The following VPS35L variants were observed in gnomAD, a reference collection of about 807,000 sequenced individuals.
The protein encoded by VPS35L is VPS35 endosomal protein sorting factor like.
Under a neutral mutation model 133.0 loss-of-function variants are expected in VPS35L, and 83 were observed. That is an observed-to-expected ratio of 0.62 (90% CI 0.52 to 0.75). VPS35L has a LOEUF of 0.75. Among genes scored for constraint, VPS35L ranks in the 30% least tolerant of loss-of-function variants. The pLI is 0.00. For missense variants in VPS35L, 1,083 were observed against 1,206.8 expected, an observed-to-expected ratio of 0.90 and a Z score of 1.52; for synonymous variants, 423 against 449.9, an observed-to-expected ratio of 0.94 and a Z score of 0.76.
At chr16:19,578,850 G>A in intron 5 of VPS35L, 1 of 596,426 alleles carries the variant, frequency 1.7e-6, no homozygotes, top group Non-Finnish European at 3.0e-6. Flanking sequence ...TGGGCTCCCA[G>A]GGGCAGCTTC....
intron 8 of VPS35L, among the ~76,000 whole-genome samples, chr16:19,601,405 A>C (rs1473338889): frequency 2.0e-5 from 3 of 151,478 alleles, no homozygotes; most frequent in East Asian, 3.9e-4. Flanking sequence ...GTGGATGGAG[A>C]TACTTGAGAC....
At chr16:19,629,874 A>C in intron 18 of VPS35L, 54 bp downstream of exon 18, 1 of 1,540,814 alleles carries the variant, frequency 6.5e-7, no homozygotes, top group Non-Finnish European at 9.0e-7. Flanking sequence ...TCATGTTTAT[A>C]ATAGTGAATT....
At chr16:19,671,183 C>T (rs762042143) in intron 27 of VPS35L, among the ~76,000 whole-genome samples, 10 of 152,076 alleles carry the variant, frequency 6.6e-5, no homozygotes, top group Non-Finnish European at 1.2e-4. Context: ...AAATAATATT[C>T]CAAGGACTGG....
Position 19,633,232 on chromosome 16 carries a change from T to C in VPS35L, c.1635+60T>C, listed in dbSNP as rs1264377921. Reference sequence around the variant, plus strand: ...AGGAATTTTGTTCTGTTGAATTAAATAGGCGTGTTGTATGGGTCAGGCTAT... The same window carrying C: ...AGGAATTTTGTTCTGTTGAATTAAACAGGCGTGTTGTATGGGTCAGGCTAT... On this transcript the variant is annotated intron_variant, in intron 19 of 30. Coordinates refer to ENST00000417362, the MANE Select transcript of VPS35L (RefSeq NM_020314.7). This position sits in a 1 kb window ranked among gnomAD's most constrained non-coding sequence, Gnocchi z 4.1. 2 of 1,478,414 alleles carry C rather than the reference T, an allele frequency of 1.4e-6. No individual in the cohort carries two copies. The highest frequency in any genetic ancestry group is 2.3e-5 in the East Asian group (1 of 44,310). The allele number at this position is 1,478,414 out of a possible 1,614,324, so 91.6% of individuals were successfully genotyped here. A position where few individuals can be genotyped will look rare whatever the true frequency, so the allele number is the denominator to read the frequency against.
intron 1 of VPS35L, among the ~76,000 whole-genome samples, chr16:19,561,295 T>C (rs575748303): frequency 6.6e-6 from 1 of 152,074 alleles, no homozygotes; most frequent in Admixed American, 6.5e-5. Context: ...GGCATGAACC[T>C]GGGAGGCGGA....
chr16:19,699,356 A>C lies in VPS35L; in HGVS notation c.2647-146A>C. 8 of 1,006,124 alleles carry C rather than the reference A, an allele frequency of 8.0e-6. No homozygotes were observed. The highest frequency in any genetic ancestry group is 1.2e-5 in the Non-Finnish European group (8 of 694,674). 62.3% of individuals were successfully genotyped at this position (1,006,124 alleles called of 1,614,324 possible). A position where few individuals can be genotyped will look rare whatever the true frequency, so the allele number is the denominator to read the frequency against. ...AAGCAGCTGGGACTTTGGGAGGTTC[A>C]GCAGCTTGCCCTACAGCAAATACAT... On this transcript the variant is annotated intron_variant, in intron 29 of 30. Transcript: ENST00000417362. The surrounding 1 kb of genome is among the most constrained non-coding windows in gnomAD (Gnocchi z 4.2).
At chr16:19,593,554 G>A (rs925088471) in intron 8 of VPS35L, among the ~76,000 whole-genome samples, 2 of 152,182 alleles carry the variant, frequency 1.3e-5, no homozygotes, top group Non-Finnish European at 2.9e-5. Flanking sequence ...GGCTTATGCT[G>A]AAAAGTCCAG....
chr16:19,572,190 C>T (rs977602068), intron 3 of VPS35L, among the ~76,000 whole-genome samples: 5 of 152,060 alleles, frequency 3.3e-5, no homozygotes, highest in Non-Finnish European at 7.4e-5. Flanking sequence ...AAGGCTGAGG[C>T]GGGCGGATCA....
chr16:19,697,807 C>T (rs1292460206), intron 29 of VPS35L, among the ~76,000 whole-genome samples: 1 of 152,178 alleles, frequency 6.6e-6, no homozygotes, highest in African/African-American at 2.4e-5. Context: ...AAGATGCGAC[C>T]CTGAGTGTGT....
At chr16:19,690,262 G>A (rs546991134) in intron 28 of VPS35L, among the ~76,000 whole-genome samples, 1 of 152,262 alleles carries the variant, frequency 6.6e-6, no homozygotes, top group African/African-American at 2.4e-5. Flanking sequence ...AGAGTGTGGT[G>A]TCTCTTTCGT....
intron 26 of VPS35L, among the ~76,000 whole-genome samples, chr16:19,658,287 T>C (rs1338303009): frequency 6.6e-6 from 1 of 152,182 alleles, no homozygotes; most frequent in Non-Finnish European, 1.5e-5. Context: ...CCCAGCACTT[T>C]GGGAGGCCGA....
At chr16:19,621,745 G>A (rs891210914) in intron 14 of VPS35L, among the ~76,000 whole-genome samples, 13 of 152,194 alleles carry the variant, frequency 8.5e-5, no homozygotes, top group Admixed American at 5.9e-4. Flanking sequence ...TTGGCTCTCC[G>A]AACACTTACA....
At position 19,563,520 on chromosome 16, in the gene VPS35L, C is replaced by T. The variant is rs538439622; in HGVS notation, c.18-1331C>T. ...CAGAGACTGTTCTTGCACATTCTCT[C>T]TCTCCTCCTCTTTGGGATTCCAGTT... On this transcript the variant is annotated intron_variant, in intron 1 of 30. Coordinates refer to ENST00000417362, the MANE Select transcript of VPS35L (RefSeq NM_020314.7). Among the ~76,000 whole-genome samples, 12 of 152,258 alleles carry T rather than the reference C, an allele frequency of 7.9e-5. No homozygotes were observed. In the South Asian group the frequency reaches 2.5e-3, roughly 31 times the overall value.
At chr16:19,685,330 A>T (rs1406358512) in intron 28 of VPS35L, among the ~76,000 whole-genome samples, 2 of 152,230 alleles carry the variant, frequency 1.3e-5, no homozygotes, top group African/African-American at 2.4e-5. Context: ...ACTCAGCATG[A>T]TGTCCAAGAT....
Position 19,699,796 on chromosome 16 carries a change from T to A in VPS35L, c.2793+148T>A. 1 of 1,115,272 alleles carries A rather than the reference T, an allele frequency of 9.0e-7. No homozygotes were observed. Among genetic ancestry groups the A allele is most frequent in the Non-Finnish European group, 1.3e-6 (1 of 794,896 alleles). 69.1% of individuals were successfully genotyped at this position (1,115,272 alleles called of 1,614,324 possible). Reference sequence around the variant, plus strand: ...GGTCCATTTCTACTGGATCACTTCCTAGCAGTAAAAAGCAGAGCTGGCCAG... The same window carrying A: ...GGTCCATTTCTACTGGATCACTTCCAAGCAGTAAAAAGCAGAGCTGGCCAG... On this transcript the variant is annotated intron_variant, in intron 30 of 30. Coordinates refer to ENST00000417362, the MANE Select transcript of VPS35L (RefSeq NM_020314.7). This position sits in a 1 kb window ranked among gnomAD's most constrained non-coding sequence, Gnocchi z 4.2.
chr16:19,577,866 G>C (rs1971584291), intron 5 of VPS35L, among the ~76,000 whole-genome samples: 1 of 152,200 alleles, frequency 6.6e-6, no homozygotes, highest in Admixed American at 6.5e-5. Flanking sequence ...CAGGCACTGG[G>C]ACCTAATCTG....
chr16:19,696,386 A>G (rs1203280331), intron 29 of VPS35L, among the ~76,000 whole-genome samples: 4 of 152,128 alleles, frequency 2.6e-5, no homozygotes, highest in Non-Finnish European at 4.4e-5. Flanking sequence ...TCTGAGAATC[A>G]TATCGCAGCT....
At chr16:19,669,325 G>A in intron 27 of VPS35L, 26 bp downstream of exon 27, 1 of 1,585,506 alleles carries the variant, frequency 6.3e-7, no homozygotes, top group Non-Finnish European at 8.6e-7. Context: ...AGAACCGCAG[G>A]ACATGTCTTC....
chr16:19,675,660 C>T (rs1200842851), intron 27 of VPS35L, among the ~76,000 whole-genome samples: 1 of 152,086 alleles, frequency 6.6e-6, no homozygotes, highest in East Asian at 1.9e-4. Context: ...AGTGATTTTC[C>T]TGCCTCAGCC....
Sources: gnomAD v4.1 joint callset for allele counts (sites outside exome capture counted in the v4.1 genomes callset) on GRCh38, gnomAD v4.1.1 for gene constraint, Gnocchi (gnomAD v3.1) non-coding constraint, MANE v1.5 for transcripts, NCBI Gene and HGNC (gene_info 2026-07-23, HGNC 2026-07-21) for gene names.